DCBLD2: variants seen among roughly 807,000 people sequenced by gnomAD.
DCBLD2 encodes the protein discoidin, CUB and LCCL domain-containing protein 2.
DCBLD2 carries 54 observed loss-of-function variants against 86.8 expected under a neutral mutation model. That is an observed-to-expected ratio of 0.62 (90% CI 0.50 to 0.78). The LOEUF is 0.78. Ranked by LOEUF, DCBLD2 falls within the 30% of genes least tolerant of loss-of-function variation. The probability of loss-of-function intolerance (pLI) is 0.00; values close to 1 mark genes in which losing one functional copy is unlikely to be tolerated. For synonymous variants in DCBLD2, 354 were observed against 341.3 expected (o/e 1.04, Z -0.41); for missense variants, 908 against 954.2 (o/e 0.95, Z 0.64).
chr3:98,890,715 T>C (rs1250318073), intron 1 of DCBLD2, among the ~76,000 whole-genome samples: 1 of 152,042 alleles, frequency 6.6e-6, no homozygotes, highest in Non-Finnish European at 1.5e-5. Flanking sequence ...TCTCCTCCCA[T>C]GTCTTAATTC....
chr3:98,891,354 T>G (rs2107530501), intron 1 of DCBLD2, among the ~76,000 whole-genome samples: 1 of 152,178 alleles, frequency 6.6e-6, no homozygotes, highest in Non-Finnish European at 1.5e-5. Context: ...AATATTAAAC[T>G]GACTTGGCTC....
intron 13 of DCBLD2, among the ~76,000 whole-genome samples, chr3:98,807,037 C>T (rs1941852774): frequency 6.6e-6 from 1 of 152,154 alleles, no homozygotes; most frequent in African/African-American, 2.4e-5. Context: ...AATCATCTGA[C>T]AATATCACCT....
intron 2 of DCBLD2, among the ~76,000 whole-genome samples, chr3:98,854,547 G>T (rs1352495043): frequency 6.6e-6 from 1 of 151,930 alleles, no homozygotes; most frequent in East Asian, 1.9e-4. Context: ...TAGACTATTG[G>T]GTATATATTT....
Position 98,811,286 on chromosome 3 carries a change from G to C in DCBLD2, c.1484C>G (p.Pro495Arg). ...TGCAGGAAATTCATTGCTACTGCGA[G>C]GTTGTAGTGGTTGCGTAAATTTTGG... The part of the protein sequence containing the change: ...RAPKFTQPLQ[P>R]RSSNEFPAQT... The change falls in exon 12 of 16, where the codon CCT (proline) becomes CGT (arginine). Residue 495 changes from proline to arginine, a missense_variant. Physicochemically the swap from Pro to Arg is moderately radical, Grantham distance 103. Coordinates refer to ENST00000326840, the MANE Select transcript of DCBLD2 (RefSeq NM_080927.4). 1.2e-6 allele frequency: 2 copies of C among 1,612,312 alleles called. No homozygotes were observed. Among genetic ancestry groups the C allele is most frequent in the South Asian group, 1.1e-5 (1 of 90,602 alleles).
intron 6 of DCBLD2, among the ~76,000 whole-genome samples, 195 bp from the exon 7 acceptor site, chr3:98,820,483 A>G (rs1469975789): frequency 6.6e-6 from 1 of 152,234 alleles, no homozygotes; most frequent in Admixed American, 6.5e-5. Flanking sequence ...TTCTGAAATC[A>G]GCATAAACAG....
In DCBLD2 at chr3:98,811,491, G is replaced by A; in HGVS notation, c.1427C>T (p.Thr476Ile). The change falls in exon 11 of 16, where the codon ACA becomes ATA. Residue 476 changes from threonine (T) to isoleucine (I), a missense_variant. By Grantham distance (89) the Thr-to-Ile change is moderately conservative (BLOSUM62 -1). This residue lies in a region of DCBLD2 where 606 missense variants were observed against 678.5 expected (regional missense o/e 0.89). Transcript: ENST00000326840. ...ACCTTTGGCTATTTTTGGAGGGGCT[G>A]TAGTGTTTTTGAGGTCATTGCTGTT... ...PRNSNDLKNT[T>I]APPKIAKGRA... 2 of 1,613,580 alleles carry A rather than the reference G, an allele frequency of 1.2e-6. No homozygotes were observed. Among genetic ancestry groups the A allele is most frequent in the Middle Eastern group, 1.7e-4 (1 of 6,060 alleles).
chr3:98,876,773 T>C (rs1943379461), intron 2 of DCBLD2, among the ~76,000 whole-genome samples: 1 of 152,140 alleles, frequency 6.6e-6, no homozygotes, highest in Non-Finnish European at 1.5e-5. Flanking sequence ...CAACCATTCA[T>C]AAAAGAGTGA....
At chr3:98,858,653 A>C (rs1942981788) in intron 2 of DCBLD2, among the ~76,000 whole-genome samples, 1 of 152,246 alleles carries the variant, frequency 6.6e-6, no homozygotes, top group Non-Finnish European at 1.5e-5. Flanking sequence ...GTATCTGGTA[A>C]GGGGTTAATA....
intron 3 of DCBLD2, among the ~76,000 whole-genome samples, chr3:98,845,304 A>C (rs1400942228): frequency 6.6e-6 from 1 of 152,212 alleles, no homozygotes; most frequent in Admixed American, 6.5e-5. Flanking sequence ...AGCCCAAGAT[A>C]CAACCCGGGC....
chr3:98,824,632 T>C (rs549128230), intron 4 of DCBLD2, among the ~76,000 whole-genome samples: 1 of 152,200 alleles, frequency 6.6e-6, no homozygotes, highest in Admixed American at 6.5e-5. Context: ...AAAAGCTCTG[T>C]GAGCTCAGAG....
chr3:98,839,742 T>C (rs1360432556), intron 3 of DCBLD2, among the ~76,000 whole-genome samples: 1 of 151,592 alleles, frequency 6.6e-6, no homozygotes, highest in Non-Finnish European at 1.5e-5. Context: ...CTGGGTGGGG[T>C]GGGGGAGGTA....
Position 98,881,563 on chromosome 3 carries a change from A to G in DCBLD2, c.410T>C (p.Ile137Thr). ...HFNYLRIYNG[I>T]GVSRTEIGKY... is the part of the protein sequence containing the mutation. Reference sequence around the variant, plus strand: ...ACCTATTTCAGTTCTGCTGACTCCAATTCCATTATAAATTCTCAAGTAATT... The same window carrying G: ...ACCTATTTCAGTTCTGCTGACTCCAGTTCCATTATAAATTCTCAAGTAATT... Residue 137 changes from isoleucine to threonine, a missense_variant, in exon 2 of 16, where the codon ATT (isoleucine) becomes ACT (threonine). By Grantham distance (89) the Ile-to-Thr change is moderately conservative. Coordinates refer to ENST00000326840, the MANE Select transcript of DCBLD2 (RefSeq NM_080927.4). 6.2e-7 allele frequency: 1 copy of G among 1,613,906 alleles called. No individual in the cohort carries two copies. The highest frequency in any genetic ancestry group is 8.5e-7 in the Non-Finnish European group (1 of 1,179,878).
At chr3:98,893,751 G>T (rs1355632960) in intron 1 of DCBLD2, among the ~76,000 whole-genome samples, 1 of 152,162 alleles carries the variant, frequency 6.6e-6, no homozygotes, top group Non-Finnish European at 1.5e-5. Flanking sequence ...TGTAAAGCAT[G>T]CCAAAACAAA....
At chr3:98,807,085 T>A (rs969005874) in intron 13 of DCBLD2, among the ~76,000 whole-genome samples, 2 of 152,136 alleles carry the variant, frequency 1.3e-5, no homozygotes, top group African/African-American at 4.8e-5. Flanking sequence ...ATCTATAGAA[T>A]GAAATCTAAA....
chr3:98,887,353 G>C (rs1200339030), intron 1 of DCBLD2, among the ~76,000 whole-genome samples: 1 of 151,952 alleles, frequency 6.6e-6, no homozygotes, highest in African/African-American at 2.4e-5. Flanking sequence ...TAACGTATCT[G>C]ATTTCATTTG....
Position 98,901,658 on chromosome 3 carries a change from C to A in DCBLD2, c.-332G>T, listed in dbSNP as rs917366836. On this transcript the variant is annotated 5_prime_UTR_variant, in exon 1 of 16. Coordinates refer to ENST00000326840, the MANE Select transcript of DCBLD2 (RefSeq NM_080927.4). The stretch of plus-strand genomic sequence containing the variant: ...TCCTCACCAGGGTCGCCGCTCGCCG[C>A]GCTCACCCGCGGCTCCGGCTAGCTG... 1.0e-5 allele frequency: 2 copies of A among 193,698 alleles called. No individual in the cohort carries two copies. The highest frequency in any genetic ancestry group is 2.3e-4 in the East Asian group (2 of 8,706). The allele number at this position is 193,698 out of a possible 1,614,324, so 12.0% of individuals were successfully genotyped here.
intron 8 of DCBLD2, among the ~76,000 whole-genome samples, chr3:98,818,681 A>AG (rs775235756): frequency 6.6e-6 from 1 of 152,210 alleles, no homozygotes; most frequent in Non-Finnish European, 1.5e-5. Flanking sequence ...GAATAAAAAC[A>AG]GGCAGAAGAA....
At chr3:98,800,442 A>C (rs1301283477) in intron 15 of DCBLD2, 137 bp downstream of exon 15, 6 of 913,850 alleles carry the variant, frequency 6.6e-6, no homozygotes, top group African/African-American at 1.7e-5. Context: ...CCTTTTAAAA[A>C]AGTGGTTCTA....
chr3:98,849,500 G>A lies in DCBLD2; in HGVS notation c.532C>T (p.Arg178Cys), dbSNP rs573544033. 38 of 1,613,754 alleles carry A rather than the reference G, an allele frequency of 2.4e-5. No individual in the cohort carries two copies. Among genetic ancestry groups the A allele is most frequent in the East Asian group, 8.9e-5 (4 of 44,842 alleles). ...LFMSGIHVSG[R>C]GFLASYSVID... ...ACAGAGTATGAGGCCAAAAATCCGCGTCCAGAAACATGGATTCCACTCATG... is the reference window on the plus strand; with the variant it reads ...ACAGAGTATGAGGCCAAAAATCCGCATCCAGAAACATGGATTCCACTCATG... The change falls in exon 3 of 16, where the codon CGC becomes TGC. Residue 178 changes from arginine (R) to cysteine (C), a missense_variant. Arg to Cys is a radical substitution (Grantham distance 180, BLOSUM62 -3). Around this residue, in one of 3 missense-constraint regions of DCBLD2, gnomAD observed 294 missense variants for 256.0 expected, o/e 1.15. Transcript: ENST00000326840.
Sources: allele counts gnomAD v4.1 joint callset (sites outside exome capture counted in the v4.1 genomes callset), GRCh38; gene constraint gnomAD v4.1.1; regional missense constraint gnomAD v4.1.1; transcripts MANE v1.5; gene names NCBI Gene and HGNC (gene_info 2026-07-23, HGNC 2026-07-21).